The following CDK12 variants were observed in gnomAD, a reference collection of about 807,000 sequenced individuals.
The protein encoded by CDK12 is cyclin-dependent kinase 12.
A neutral mutation model predicts 133.8 loss-of-function variants in CDK12; 17 were observed. That is an observed-to-expected ratio of 0.13 (90% CI 0.09 to 0.19). The LOEUF (loss-of-function observed/expected upper bound fraction) is 0.19. Ranked by LOEUF, CDK12 falls within the 10% of genes least tolerant of loss-of-function variation. The probability of loss-of-function intolerance (pLI) is 1.00; values close to 1 mark genes in which losing one functional copy is unlikely to be tolerated. For missense variants in CDK12, 1,508 were observed against 1,818.7 expected (o/e 0.83, Z 3.11); for synonymous variants, 694 against 683.6 (o/e 1.02, Z -0.24).
chr17:39,528,829 G>A (rs951832995), intron 13 of CDK12, among the ~76,000 whole-genome samples: 2 of 152,010 alleles, frequency 1.3e-5, no homozygotes, highest in Non-Finnish European at 2.9e-5. Context: ...ATTTGACCTC[G>A]GTATTAAAAA....
At chr17:39,499,613 G>A (rs893508276) in intron 5 of CDK12, among the ~76,000 whole-genome samples, 2 of 151,548 alleles carry the variant, frequency 1.3e-5, no homozygotes, top group African/African-American at 4.8e-5. Flanking sequence ...GGGTTCAAGC[G>A]ATTCTCCTGC....
At chr17:39,544,629 T>C (rs2055589581), upstream of CDK12, among the ~76,000 whole-genome samples, 1 of 140,744 alleles carries the variant, frequency 7.1e-6, no homozygotes, top group Non-Finnish European at 1.6e-5. Flanking sequence ...GGCGATCTTT[T>C]TTTTTTTTTT....
At chr17:39,467,921 T>C (rs1226042223) in intron 1 of CDK12, among the ~76,000 whole-genome samples, 1 of 150,932 alleles carries the variant, frequency 6.6e-6, no homozygotes, top group African/African-American at 2.4e-5. Flanking sequence ...TGAGATGGAG[T>C]GTCTCTCTGT....
chr17:39,493,950 C>G (rs187529388), intron 4 of CDK12, among the ~76,000 whole-genome samples: 1 of 151,984 alleles, frequency 6.6e-6, no homozygotes, highest in African/African-American at 2.4e-5. Flanking sequence ...GAGCGGAGAT[C>G]GCGCCAGTGC....
At chr17:39,488,065 C>G (rs2051282522) in intron 2 of CDK12, among the ~76,000 whole-genome samples, 1 of 151,990 alleles carries the variant, frequency 6.6e-6, no homozygotes, top group Non-Finnish European at 1.5e-5. Flanking sequence ...AAGACCTTGT[C>G]TCTACAAAAA....
intron 4 of CDK12, among the ~76,000 whole-genome samples, chr17:39,493,318 T>G (rs2145888368): frequency 6.6e-6 from 1 of 150,778 alleles, no homozygotes; most frequent in Middle Eastern, 3.4e-3. Flanking sequence ...TTATTTTTAT[T>G]TTTTGAGACG....
chr17:39,564,128 G>A (rs1444965533), intron 3 of CDK12, among the ~76,000 whole-genome samples: 1 of 152,108 alleles, frequency 6.6e-6, no homozygotes, highest in Non-Finnish European at 1.5e-5. Context: ...AAGATGCAGA[G>A]GTCAGAGGAT....
intron 2 of CDK12, among the ~76,000 whole-genome samples, chr17:39,474,802 T>C (rs2050062760): frequency 1.3e-5 from 2 of 150,740 alleles, no homozygotes; most frequent in African/African-American, 4.9e-5. Context: ...TTTTTTTTTT[T>C]TGGCATTACC....
At chr17:39,538,877 C>T (rs967433168), downstream of CDK12, among the ~76,000 whole-genome samples, 1 of 151,476 alleles carries the variant, frequency 6.6e-6, no homozygotes. Context: ...CCAGCCTAGG[C>T]GACAGAATGA....
chr17:39,565,319 T>C (rs1297525571), downstream of CDK12, among the ~76,000 whole-genome samples: 3 of 152,016 alleles, frequency 2.0e-5, no homozygotes, highest in Non-Finnish European at 4.4e-5. Flanking sequence ...TTTCACTATG[T>C]TAGCCAGGAT....
chr17:39,480,423 C>T (rs1045934911), intron 2 of CDK12, among the ~76,000 whole-genome samples: 6 of 151,850 alleles, frequency 4.0e-5, no homozygotes, highest in Non-Finnish European at 8.8e-5. Flanking sequence ...GCATGTACCA[C>T]CATGCCCAGC....
chr17:39,476,711 CTTTTT>C lies in CDK12; in HGVS notation c.1931+4973_1931+4977del, dbSNP rs879840168. ...TACAGGCATGAGCCACCATGCCTGC[CTTTTT>C]TTTTTTTTTTTTTTTTTTTTTTTTG... On this transcript the variant is annotated intron_variant, in intron 2 of 13. Coordinates refer to ENST00000447079, the MANE Select transcript of CDK12 (RefSeq NM_016507.4). Among the ~76,000 whole-genome samples the C allele has an allele frequency of 8.0e-4, 68 of 84,510 alleles. 6 individuals are homozygous for C. The highest frequency in any genetic ancestry group is 7.8e-3 in the Middle Eastern group (1 of 128). 55.4% of individuals were successfully genotyped at this position (84,510 alleles called of 152,430 possible). A position where few individuals can be genotyped will look rare whatever the true frequency, so the allele number is the denominator to read the frequency against.
chr17:39,516,259 T>G (rs1219178939), intron 9 of CDK12, among the ~76,000 whole-genome samples: 1 of 152,074 alleles, frequency 6.6e-6, no homozygotes, highest in Non-Finnish European at 1.5e-5. Flanking sequence ...TAATAGAAAA[T>G]ATGGGGAAAG....
In CDK12 at chr17:39,524,873, G is replaced by A. The variant is rs774638990; in HGVS notation, c.3295G>A (p.Gly1099Arg). 9 of 1,613,516 alleles carry A rather than the reference G, an allele frequency of 5.6e-6. No individual in the cohort carries two copies. The Admixed American group carries it at 1.3e-4, about 24-fold the overall frequency. ...PAPGKVESGA[G>R]DAIGLADITQ... ...TCCTGGCAAGGTGGAGTCTGGGGCT[G>A]GGGATGCAATAGGTCAGTGCCAGAA... The change falls in exon 12 of 14, where the codon GGG becomes AGG. Residue 1099 changes from glycine to arginine, a missense_variant. By Grantham distance (125) the Gly-to-Arg change is moderately radical (BLOSUM62 -2). This residue lies in a region of CDK12 where 399 missense variants were observed against 469.6 expected (regional missense o/e 0.85). Coordinates refer to ENST00000447079, the MANE Select transcript of CDK12 (RefSeq NM_016507.4).
At chr17:39,503,448 A>G (rs567568171) in intron 6 of CDK12, among the ~76,000 whole-genome samples, 12 of 152,304 alleles carry the variant, frequency 7.9e-5, no homozygotes, top group African/African-American at 2.6e-4. Context: ...CTCTACATCT[A>G]TAGTAAATAA....
At chr17:39,547,129 A>ATTTTTTTTTTTTTT (rs34569985), upstream of CDK12, among the ~76,000 whole-genome samples, 1 of 90,610 alleles carries the variant, frequency 1.1e-5, no homozygotes, top group Non-Finnish European at 2.1e-5. Flanking sequence ...GAGTACTAGG[A>ATTTTTTTTTTTTTT]TTTTTTTTTT....
At chr17:39,489,725 C>G (rs2051426026) in intron 2 of CDK12, among the ~76,000 whole-genome samples, 2 of 150,818 alleles carry the variant, frequency 1.3e-5, no homozygotes, top group African/African-American at 4.9e-5. Context: ...AACTTTTGAT[C>G]TCGTGATCTG....
At chr17:39,475,378 C>G (rs938114246) in intron 2 of CDK12, among the ~76,000 whole-genome samples, 2 of 151,892 alleles carry the variant, frequency 1.3e-5, no homozygotes, top group Non-Finnish European at 2.9e-5. Flanking sequence ...GAGGCTGAGG[C>G]AGGAGGATCA....
At chr17:39,482,031 T>TTTTTTTTTTTTTTTTTA (rs1567707439) in intron 2 of CDK12, among the ~76,000 whole-genome samples, 1 of 147,920 alleles carries the variant, frequency 6.8e-6, no homozygotes, top group Non-Finnish European at 1.5e-5. Context: ...TTTTTTTTTT[T>TTTTTTTTTTTTTTTTTA]AACAGAGTTT....
Sources: allele counts gnomAD v4.1 joint callset (sites outside exome capture counted in the v4.1 genomes callset), GRCh38; gene constraint gnomAD v4.1.1; regional missense constraint gnomAD v4.1.1; transcripts MANE v1.5; gene names NCBI Gene and HGNC (gene_info 2026-07-23, HGNC 2026-07-21).